Variants in PTPRT observed in about 807,000 individuals in gnomAD.
PTPRT encodes receptor-type tyrosine-protein phosphatase T.
In PTPRT, 56 loss-of-function variants were observed where a neutral mutation model predicts 176.8. The ratio of observed to expected loss-of-function variants is 0.32; its 90% confidence interval spans 0.26 to 0.40. PTPRT has a LOEUF of 0.40. PTPRT is among the 10% of genes least tolerant of loss of function. The pLI, the probability that PTPRT is intolerant of heterozygous loss-of-function variation, is 1.00. For synonymous variants in PTPRT, 783 were observed against 739.0 expected (o/e 1.06, Z -0.96); for missense variants, 1,540 against 1,908.2 (o/e 0.81, Z 3.60).
intron 3 of PTPRT, among the ~76,000 whole-genome samples, chr20:42,784,893 A>G (rs571027017): frequency 1.3e-5 from 2 of 152,350 alleles, no homozygotes; most frequent in East Asian, 1.9e-4. Context: ...TCACCTAGAA[A>G]GGAGCTGTGA....
At chr20:43,120,464 G>T (rs1300717025) in intron 1 of PTPRT, among the ~76,000 whole-genome samples, 1 of 152,128 alleles carries the variant, frequency 6.6e-6, no homozygotes, top group Non-Finnish European at 1.5e-5. Flanking sequence ...GTAGAGACGG[G>T]GTTTCACCAT....
intron 5 of PTPRT, among the ~76,000 whole-genome samples, chr20:42,759,318 C>T (rs2076881357): frequency 6.6e-6 from 1 of 152,194 alleles, no homozygotes; most frequent in Non-Finnish European, 1.5e-5. Context: ...TATGCTTTCT[C>T]ATTTATTCCC....
intron 6 of PTPRT, among the ~76,000 whole-genome samples, chr20:42,725,052 A>C (rs920832029): frequency 2.1e-5 from 3 of 145,512 alleles, no homozygotes; most frequent in East Asian, 2.0e-4. Context: ...TTTGAGACTG[A>C]GTTTTGCTCT....
intron 1 of PTPRT, among the ~76,000 whole-genome samples, chr20:43,177,443 T>A (rs989835139): frequency 1.3e-5 from 2 of 152,014 alleles, no homozygotes; most frequent in African/African-American, 2.4e-5. Flanking sequence ...AATCTATGGA[T>A]CACAAAAGGA....
chr20:42,134,396 A>T (rs1374829465), intron 18 of PTPRT, among the ~76,000 whole-genome samples: 1 of 152,204 alleles, frequency 6.6e-6, no homozygotes, highest in African/African-American at 2.4e-5. Context: ...AAACTCCTCA[A>T]TGAGGCGAGG....
At chr20:42,554,088 CA>C (rs1030905342) in intron 7 of PTPRT, among the ~76,000 whole-genome samples, 8 of 151,080 alleles carry the variant, frequency 5.3e-5, no homozygotes, top group South Asian at 2.1e-4. Context: ...ATTTTCAGAC[CA>C]AAAAAAACGT....
In PTPRT at chr20:42,236,016, A is replaced by G. The variant is rs528932738; in HGVS notation, c.2342+213T>C. Reference sequence around the variant, plus strand: ...TCACATCTCTAAAAATAAGAGGAAAAAAATCCAAGATGGTGGAAACATAAC... The same window carrying G: ...TCACATCTCTAAAAATAAGAGGAAAGAAATCCAAGATGGTGGAAACATAAC... On this transcript the variant is annotated intron_variant, in intron 15 of 30. Coordinates refer to ENST00000373187, the MANE Select transcript of PTPRT (RefSeq NM_007050.6). Among the ~76,000 whole-genome samples, 5 of 152,352 alleles carry G rather than the reference A, an allele frequency of 3.3e-5. No individual in the cohort carries two copies. In the South Asian group the frequency reaches 1.0e-3, roughly 32 times the overall value.
intron 5 of PTPRT, among the ~76,000 whole-genome samples, chr20:42,761,778 G>A (rs73269878): frequency 6.6e-6 from 1 of 152,224 alleles, no homozygotes; most frequent in African/African-American, 2.4e-5. Context: ...TGCTGATGCT[G>A]CTGGTCCATG....
chr20:42,040,753 A>G, the PTPRT span, among the ~76,000 whole-genome samples: 25 of 152,228 alleles, frequency 1.6e-4, no homozygotes, highest in Admixed American at 5.2e-4. Flanking sequence ...GACTAAATGT[A>G]GACACAGACA....
At chr20:43,108,693 C>T (rs2012724069) in intron 1 of PTPRT, among the ~76,000 whole-genome samples, 1 of 152,016 alleles carries the variant, frequency 6.6e-6, no homozygotes, top group South Asian at 2.1e-4. Context: ...TAGCATCGCA[C>T]AGAGGCAGGG....
chr20:43,024,831 C>A (rs1235225130), intron 1 of PTPRT, among the ~76,000 whole-genome samples: 1 of 152,204 alleles, frequency 6.6e-6, no homozygotes, highest in Non-Finnish European at 1.5e-5. Context: ...CACAACCTCA[C>A]AGCTGCCAAT....
At chr20:43,014,667 C>T (rs954055126) in intron 1 of PTPRT, among the ~76,000 whole-genome samples, 4 of 152,204 alleles carry the variant, frequency 2.6e-5, no homozygotes, top group African/African-American at 7.2e-5. Flanking sequence ...AAAATTCAAA[C>T]ATCTTTGTAA....
intron 1 of PTPRT, among the ~76,000 whole-genome samples, chr20:43,061,182 G>A (rs928993255): frequency 6.6e-6 from 1 of 152,050 alleles, no homozygotes; most frequent in African/African-American, 2.4e-5. Context: ...AAGTATTTCT[G>A]AAGTTCCAGA....
At chr20:42,652,594 C>T (rs954505312) in intron 7 of PTPRT, among the ~76,000 whole-genome samples, 29 of 152,152 alleles carry the variant, frequency 1.9e-4, no homozygotes, top group African/African-American at 7.0e-4. Flanking sequence ...CCAATCTGTG[C>T]TGTCAGAACC....
intron 29 of PTPRT, among the ~76,000 whole-genome samples, chr20:42,084,416 C>T (rs1026825995): frequency 1.3e-5 from 2 of 152,232 alleles, no homozygotes; most frequent in Non-Finnish European, 2.9e-5. Context: ...TGTAGAGAAG[C>T]AGGCAACCTC....
chr20:42,520,493 G>A (rs954137908), intron 7 of PTPRT, among the ~76,000 whole-genome samples: 1 of 151,962 alleles, frequency 6.6e-6, no homozygotes, highest in African/African-American at 2.4e-5. Flanking sequence ...TTCTGTTTTG[G>A]TTGTATATTT....
At chr20:42,499,843 T>C (rs898892425) in intron 7 of PTPRT, among the ~76,000 whole-genome samples, 2 of 152,186 alleles carry the variant, frequency 1.3e-5, no homozygotes, top group African/African-American at 4.8e-5. Flanking sequence ...TGAGTTGTAA[T>C]TGGTATCATA....
chr20:42,350,838 GT>G (rs1695422691), intron 10 of PTPRT, 108 bp from the exon 11 acceptor site: 1 of 814,892 alleles, frequency 1.2e-6, no homozygotes, highest in African/African-American at 1.7e-5. Context: ...GAGGGAGGAC[GT>G]TTAGGAAAGG....
At position 43,094,433 on chromosome 20, in the gene PTPRT, T is replaced by C. The variant is rs1348558971; in HGVS notation, c.88+95213A>G. Among the ~76,000 whole-genome samples the C allele has an allele frequency of 1.5e-3, 197 of 132,048 alleles. 7 individuals are homozygous for C. Among genetic ancestry groups the C allele is most frequent in the Admixed American group, 1.1e-3 (14 of 12,698 alleles). The allele number at this position is 132,048 out of a possible 152,430, so 86.6% of individuals were successfully genotyped here. A position where few individuals can be genotyped will look rare whatever the true frequency, so the allele number is the denominator to read the frequency against. ...TTTTTTTTCAGACGGAGTTTCGCTC[T>C]TGTTGCACAGGCTGGAGTGTAATAG... On this transcript the variant is annotated intron_variant, in intron 1 of 30. Transcript: ENST00000373187.
Sources: gnomAD v4.1 joint callset for allele counts (sites outside exome capture counted in the v4.1 genomes callset) on GRCh38, gnomAD v4.1.1 for gene constraint, MANE v1.5 for transcripts, NCBI Gene and HGNC (gene_info 2026-07-23, HGNC 2026-07-21) for gene names.